GTF2IRD1: variants seen among roughly 807,000 people sequenced by gnomAD.
GTF2IRD1 encodes the protein GTF2I repeat domain containing 1, also known as general transcription factor II-I repeat domain-containing protein 1.
In GTF2IRD1, 26 loss-of-function variants were observed where a neutral mutation model predicts 113.2. The observed-to-expected ratio is 0.23, with a 90% CI of 0.17 to 0.32. The LOEUF (loss-of-function observed/expected upper bound fraction) is 0.32, where lower values mean the gene tolerates loss of function less well. GTF2IRD1 is among the 10% of genes least tolerant of loss of function. The pLI is 1.00. For missense variants in GTF2IRD1, 864 were observed against 1,280.8 expected (o/e 0.67, Z 4.97); for synonymous variants, 484 against 529.1 (o/e 0.91, Z 1.17).
chr7:74,510,024 A>G (rs1271874346), intron 2 of GTF2IRD1, among the ~76,000 whole-genome samples: 1 of 152,082 alleles, frequency 6.6e-6, no homozygotes, highest in Admixed American at 6.6e-5. Context: ...GTCTCCCCGA[A>G]AAATAAAGGA....
At position 74,559,781 on chromosome 7, in the gene GTF2IRD1, TTC is replaced by T. The variant is rs1799839339; in HGVS notation, c.2320+128_2320+129del. ...GGGAACAGAAGCCAGGCCCCTGCCT[TTC>T]TTTTTTTTTTTTCTGAGGCAGAGTC... On this transcript the variant is annotated intron_variant, in intron 22 of 26. Coordinates refer to ENST00000424337, the MANE Select transcript of GTF2IRD1 (RefSeq NM_005685.4). 2.4e-5 allele frequency: 17 copies of T among 715,470 alleles called. No individual in the cohort carries two copies. The East Asian group carries it at 4.1e-4, about 17-fold the overall frequency. 44.3% of individuals were successfully genotyped at this position (715,470 alleles called of 1,614,324 possible). A position where few individuals can be genotyped will look rare whatever the true frequency, so the allele number is the denominator to read the frequency against.
At chr7:74,546,218 C>CTTTT (rs1222914895) in intron 16 of GTF2IRD1, among the ~76,000 whole-genome samples, 4 of 126,508 alleles carry the variant, frequency 3.2e-5, no homozygotes, top group Admixed American at 8.2e-5. Flanking sequence ...CCATGTTTTT[C>CTTTT]TTTTTTTTTT....
chr7:74,469,917 C>G (rs369060052), intron 1 of GTF2IRD1, among the ~76,000 whole-genome samples: 1 of 151,748 alleles, frequency 6.6e-6, no homozygotes, highest in Non-Finnish European at 1.5e-5. Flanking sequence ...ATTAGCAAGG[C>G]CCTGTCTCTA....
chr7:74,576,358 C>T lies in GTF2IRD1; in HGVS notation c.2321-13493C>T, dbSNP rs181330679. 8.7e-3 allele frequency among the ~76,000 whole-genome samples: 1,312 copies of T among 151,338 alleles called. 23 individuals are homozygous for T. Among genetic ancestry groups the T allele is most frequent in the African/African-American group, 0.03 (1,238 of 41,250 alleles). On this transcript the variant is annotated intron_variant, in intron 22 of 26. Coordinates refer to ENST00000424337, the MANE Select transcript of GTF2IRD1 (RefSeq NM_005685.4). The stretch of plus-strand genomic sequence containing the variant: ...GGCGAATCACTTGAGATCAGGAGTT[C>T]GAGACCAGCCTGGCCAACGTGGTAA...
At chr7:74,517,290 G>A (rs1554344856) in intron 4 of GTF2IRD1, among the ~76,000 whole-genome samples, 1 of 151,138 alleles carries the variant, frequency 6.6e-6, no homozygotes, top group Non-Finnish European at 1.5e-5. Context: ...ATCCCAAAGT[G>A]CTGGGATTAC....
intron 1 of GTF2IRD1, among the ~76,000 whole-genome samples, chr7:74,484,850 C>T (rs1554335328): frequency 6.6e-6 from 1 of 152,114 alleles, no homozygotes; most frequent in Non-Finnish European, 1.5e-5. Context: ...ACGGTTTCTG[C>T]CTTTTGGCTA....
intron 22 of GTF2IRD1, chr7:74,572,549 G>A (rs181912149): frequency 7.9e-5 from 77 of 980,454 alleles, no homozygotes; most frequent in Middle Eastern, 5.2e-4. Context: ...TTTCTTTGAC[G>A]TGATACAGAA....
Position 74,528,707 on chromosome 7 carries a change from GTGGATGGATGGATGGATGGATGGATGGA to G in GTF2IRD1, c.1091-1004_1091-977del, listed in dbSNP as rs58102974. Reference sequence around the variant, plus strand: ...GAGGGAGGGAGGGAAGGAAAGATGGGTGGATGGATGGATGGATGGATGGATGGATGGATGGATGGATGGATGGATGAAT... The same window carrying G: ...GAGGGAGGGAGGGAAGGAAAGATGGGTGGATGGATGGATGGATGGATGAAT... On this transcript the variant is annotated intron_variant, in intron 8 of 26. Coordinates refer to ENST00000424337, the MANE Select transcript of GTF2IRD1 (RefSeq NM_005685.4). 3.7e-4 allele frequency among the ~76,000 whole-genome samples: 40 copies of G among 106,910 alleles called. 1 individual carries two copies. The highest frequency in any genetic ancestry group is 6.0e-3 in the Middle Eastern group (1 of 166). The allele number at this position is 106,910 out of a possible 152,430, so 70.1% of individuals were successfully genotyped here. A position where few individuals can be genotyped will look rare whatever the true frequency, so the allele number is the denominator to read the frequency against.
chr7:74,586,233 G>C (rs1794350864), intron 22 of GTF2IRD1, among the ~76,000 whole-genome samples: 1 of 152,176 alleles, frequency 6.6e-6, no homozygotes, highest in Non-Finnish European at 1.5e-5. Flanking sequence ...CTAGGAGCTG[G>C]TCCTTGGGCC....
chr7:74,532,737 G>A (rs587721781), intron 9 of GTF2IRD1, among the ~76,000 whole-genome samples: 16 of 152,258 alleles, frequency 1.1e-4, no homozygotes, highest in African/African-American at 3.1e-4. Flanking sequence ...GGCCTCCAGC[G>A]TGAAAACAGA....
chr7:74,552,471 G>A lies in GTF2IRD1; in HGVS notation c.1917-2703G>A, dbSNP rs587632971. ...ACAGAGGTTGCAGTGAGCTGAGATCGCGCCCCTGCACTCCAGCCTGGGCGA... is the reference window on the plus strand; with the variant it reads ...ACAGAGGTTGCAGTGAGCTGAGATCACGCCCCTGCACTCCAGCCTGGGCGA... On this transcript the variant is annotated intron_variant, in intron 17 of 26. Transcript: ENST00000424337. Among the ~76,000 whole-genome samples, 12 of 152,156 alleles carry A rather than the reference G, an allele frequency of 7.9e-5. 1 individual carries two copies. In the South Asian group the frequency reaches 2.1e-3, roughly 26 times the overall value.
intron 2 of GTF2IRD1, among the ~76,000 whole-genome samples, chr7:74,509,595 C>T (rs115706311): frequency 0.01 from 1,554 of 152,222 alleles, 27 homozygotes; most frequent in African/African-American, 0.036. Context: ...TAGCTGCGCT[C>T]CTGCATTTTA....
chr7:74,486,446 G>A (rs559841351), intron 1 of GTF2IRD1, among the ~76,000 whole-genome samples: 1 of 152,318 alleles, frequency 6.6e-6, no homozygotes, highest in East Asian at 1.9e-4. Flanking sequence ...ACCAGGCAGG[G>A]CATAGGGAGT....
intron 17 of GTF2IRD1, among the ~76,000 whole-genome samples, chr7:74,547,816 A>G (rs1439802334): frequency 3.5e-5 from 5 of 141,606 alleles, no homozygotes; most frequent in African/African-American, 1.3e-4. Flanking sequence ...TGCAGTTGGC[A>G]GACATGAGGC....
intron 1 of GTF2IRD1, among the ~76,000 whole-genome samples, chr7:74,465,761 G>A (rs1222383938): frequency 4.6e-5 from 7 of 151,964 alleles, no homozygotes; most frequent in African/African-American, 1.7e-4. Flanking sequence ...GTGGGGTGTG[G>A]CATGCCTCAA....
rs587602683 is a variant in GTF2IRD1 at position 74,584,669 on chromosome 7, T to C, written c.2321-5182T>C. On this transcript the variant is annotated intron_variant, in intron 22 of 26. Transcript: ENST00000424337. ...GGGTGAGGGAGGCCACCAGGGGAGCTAGGTGGCCTTCTATCTTGCAGCCAT... is the reference window on the plus strand; with the variant it reads ...GGGTGAGGGAGGCCACCAGGGGAGCCAGGTGGCCTTCTATCTTGCAGCCAT... Among the ~76,000 whole-genome samples the C allele has an allele frequency of 1.4e-4, 21 of 152,280 alleles. No individual in the cohort carries two copies. In the South Asian group the frequency reaches 4.4e-3, roughly 32 times the overall value.
At chr7:74,593,190 G>A (rs587667666) in intron 24 of GTF2IRD1, among the ~76,000 whole-genome samples, 15 of 151,460 alleles carry the variant, frequency 9.9e-5, no homozygotes, top group East Asian at 5.8e-4. Context: ...TAATATTTGC[G>A]TGTGTCAAAA....
rs968290522 is a variant in GTF2IRD1 at position 74,520,716 on chromosome 7, G to T, written c.917-492G>T. On this transcript the variant is annotated intron_variant, in intron 6 of 26. Transcript: ENST00000424337. ...GGAGGCTGAGGTGGAAGGATTGCTTGAGCCCAGGAGTTCGAGACCAGCCTG... is the reference window on the plus strand; with the variant it reads ...GGAGGCTGAGGTGGAAGGATTGCTTTAGCCCAGGAGTTCGAGACCAGCCTG... 9.1e-5 allele frequency among the ~76,000 whole-genome samples: 13 copies of T among 142,214 alleles called. No homozygotes were observed. In the South Asian group the frequency reaches 3.0e-3, roughly 33 times the overall value. The allele number at this position is 142,214 out of a possible 152,430, so 93.3% of individuals were successfully genotyped here.
rs1451940937 is a variant in GTF2IRD1 at position 74,555,240 on chromosome 7, C to T, written c.1966+17C>T. On this transcript the variant is annotated intron_variant, in intron 18 of 26. Transcript: ENST00000424337. The surrounding 1 kb of genome is among the most constrained non-coding windows in gnomAD (Gnocchi z 5.3). ...ATAGTCAAGGTACCCAGCGCGGGGT[C>T]GGGAGCCATGGTGTGGGCGGGCAAG... 8.1e-6 allele frequency: 13 copies of T among 1,611,368 alleles called. No homozygotes were observed. The highest frequency in any genetic ancestry group is 4.0e-5 in the African/African-American group (3 of 74,892).
Sources: gnomAD v4.1 joint callset for allele counts (sites outside exome capture counted in the v4.1 genomes callset) on GRCh38, gnomAD v4.1.1 for gene constraint, Gnocchi (gnomAD v3.1) non-coding constraint, MANE v1.5 for transcripts, NCBI Gene and HGNC (gene_info 2026-07-23, HGNC 2026-07-21) for gene names.